CNNM1: variants seen among roughly 807,000 people sequenced by gnomAD.
The protein encoded by CNNM1 is metal transporter CNNM1.
CNNM1 carries 44 observed loss-of-function variants against 78.8 expected under a neutral mutation model. The observed-to-expected ratio is 0.56, with a 90% confidence interval of 0.44 to 0.72. CNNM1 has a LOEUF of 0.72. Among genes scored for constraint, CNNM1 ranks in the 30% least tolerant of loss-of-function variants. The pLI, the probability that CNNM1 is intolerant of heterozygous loss-of-function variation, is 0.00. For missense variants in CNNM1, 1,101 were observed against 1,292.2 expected, an observed-to-expected ratio of 0.85 and a Z score of 2.27; for synonymous variants, 584 against 581.5, an observed-to-expected ratio of 1.00 and a Z score of -0.06.
chr10:99,364,718 A>G (rs568217735), intron 5 of CNNM1, among the ~76,000 whole-genome samples: 2 of 152,338 alleles, frequency 1.3e-5, no homozygotes, highest in East Asian at 3.9e-4. Flanking sequence ...AAAAGTGACA[A>G]AAAATTGAAT....
chr10:99,348,975 T>G (rs1589892842), intron 1 of CNNM1, among the ~76,000 whole-genome samples: 1 of 152,086 alleles, frequency 6.6e-6, no homozygotes, highest in Non-Finnish European at 1.5e-5. Flanking sequence ...GAGGCTGAGG[T>G]GGGAGGATCC....
chr10:99,329,523 C>T lies in CNNM1; in HGVS notation c.136C>T (p.Arg46Trp). The T allele has an allele frequency of 1.3e-6, 2 of 1,509,938 alleles. No individual in the cohort carries two copies. Among genetic ancestry groups the T allele is most frequent in the Non-Finnish European group, 8.8e-7 (1 of 1,136,552 alleles). 93.5% of individuals were successfully genotyped at this position (1,509,938 alleles called of 1,614,324 possible). Reference sequence around the variant, plus strand: ...CGCCGCCGCCTGGCTGCTGGGCCTGCGGCCCGAGGACACTGCTGGAGGCCG... The same window carrying T: ...CGCCGCCGCCTGGCTGCTGGGCCTGTGGCCCGAGGACACTGCTGGAGGCCG... ...PAAAAWLLGL[R>W]PEDTAGGRVS... The change falls in exon 1 of 11, where the codon CGG becomes TGG. Residue 46 changes from arginine (R) to tryptophan (W), a missense_variant. By Grantham distance (101) the Arg-to-Trp change is moderately radical (BLOSUM62 -3). Coordinates refer to ENST00000356713, the MANE Select transcript of CNNM1 (RefSeq NM_020348.3).
At chr10:99,379,944 G>A (rs1024722090) in intron 7 of CNNM1, among the ~76,000 whole-genome samples, 1 of 152,002 alleles carries the variant, frequency 6.6e-6, no homozygotes, top group Non-Finnish European at 1.5e-5. Context: ...TCTGATGAAG[G>A]CTCACTACCT....
At position 99,330,011 on chromosome 10, in the gene CNNM1, C is replaced by T; in HGVS notation, c.624C>T (p.Arg208=). ...CCGGCGGCTTCCTGCTGCGCGTTCGCCCGCGGTTGTACGGCCCAGGCGGGG... is the reference window on the plus strand; with the variant it reads ...CCGGCGGCTTCCTGCTGCGCGTTCGTCCGCGGTTGTACGGCCCAGGCGGGG... ...GAAGGFLLRV[R]PRLYGPGGDL... The change falls in exon 1 of 11, where the codon CGC becomes CGT. Residue 208 remains arginine, a synonymous_variant. Transcript: ENST00000356713. 2 of 1,417,492 alleles carry T rather than the reference C, an allele frequency of 1.4e-6. No individual in the cohort carries two copies. Among genetic ancestry groups the T allele is most frequent in the Non-Finnish European group, 1.8e-6 (2 of 1,098,736 alleles). 87.8% of individuals were successfully genotyped at this position (1,417,492 alleles called of 1,614,324 possible).
Position 99,362,264 on chromosome 10 carries a change from G to C in CNNM1, c.1896G>C (p.Lys632Asn). 1 of 1,613,770 alleles carries C rather than the reference G, an allele frequency of 6.2e-7. No homozygotes were observed. The highest frequency in any genetic ancestry group is 8.5e-7 in the Non-Finnish European group (1 of 1,179,794). Residue 632 changes from lysine to asparagine, a missense_variant, in exon 4 of 11, where the codon AAG (lysine) becomes AAC (asparagine). By Grantham distance (94) the Lys-to-Asn change is moderately conservative. Around this residue, in one of 3 missense-constraint regions of CNNM1, gnomAD observed 277 missense variants for 423.2 expected, o/e 0.65. Transcript: ENST00000356713. ...EPFKSLYLSE[K>N]ILLRLLKHPN... ...TTAAGTCTCTGTACCTTTCGGAGAA[G>C]ATCCTGCTCCGGCTCCTGAAACATC... is the stretch of plus-strand genomic sequence containing the variant.
At chr10:99,388,079 C>T in intron 8 of CNNM1, 73 bp from the exon 9 acceptor site, 1 of 1,596,466 alleles carries the variant, frequency 6.3e-7, no homozygotes, top group Non-Finnish European at 8.5e-7. Context: ...TCTAGCCCTT[C>T]CCAGGGCTCA....
In CNNM1 at chr10:99,376,731, C is replaced by T. The variant is rs972041017; in HGVS notation, c.2177-324C>T. Among the ~76,000 whole-genome samples the T allele has an allele frequency of 2.6e-5, 4 of 152,146 alleles. No homozygotes were observed. The East Asian group carries it at 5.8e-4, about 22-fold the overall frequency. On this transcript the variant is annotated intron_variant, in intron 6 of 10. Transcript: ENST00000356713. Reference sequence around the variant, plus strand: ...ACCAAGGAAGATGTGAACCACCCGTCCCCCCTGTCTGGGGAAAATAGATGC... The same window carrying T: ...ACCAAGGAAGATGTGAACCACCCGTTCCCCCTGTCTGGGGAAAATAGATGC...
chr10:99,341,714 C>G (rs1323682651), intron 1 of CNNM1, among the ~76,000 whole-genome samples: 5 of 152,156 alleles, frequency 3.3e-5, no homozygotes, highest in Non-Finnish European at 7.4e-5. Context: ...TGTCTGAACG[C>G]TGGGAAAGCC....
At chr10:99,365,332 C>T (rs1008211638) in intron 6 of CNNM1, among the ~76,000 whole-genome samples, 2 of 152,226 alleles carry the variant, frequency 1.3e-5, no homozygotes, top group Non-Finnish European at 2.9e-5. Flanking sequence ...CTCAGCCCTT[C>T]CTTCTGTGCA....
At chr10:99,335,272 C>A (rs530494961) in intron 1 of CNNM1, among the ~76,000 whole-genome samples, 1 of 152,282 alleles carries the variant, frequency 6.6e-6, no homozygotes, top group Admixed American at 6.5e-5. Context: ...GGGATTTTAT[C>A]TTTTTACTTC....
intron 6 of CNNM1, among the ~76,000 whole-genome samples, chr10:99,371,608 T>A (rs1453308530): frequency 6.6e-6 from 1 of 152,130 alleles, no homozygotes; most frequent in Non-Finnish European, 1.5e-5. Context: ...ATATTTCTAC[T>A]TTGCAAAATG....
chr10:99,388,034 G>A, intron 8 of CNNM1, 31 bp downstream of exon 8: 1 of 1,577,116 alleles, frequency 6.3e-7, no homozygotes, highest in Non-Finnish European at 8.6e-7. Flanking sequence ...GGCAGGCTGG[G>A]CTGGTGTGGG....
intron 7 of CNNM1, among the ~76,000 whole-genome samples, chr10:99,387,228 T>C (rs757839965): frequency 3.9e-5 from 6 of 152,178 alleles, no homozygotes; most frequent in Non-Finnish European, 7.4e-5. Flanking sequence ...TGTGGGTGTT[T>C]GACACATCAG....
intron 1 of CNNM1, among the ~76,000 whole-genome samples, chr10:99,334,306 A>G (rs1298782589): frequency 2.0e-5 from 3 of 152,186 alleles, no homozygotes; most frequent in Admixed American, 6.5e-5. Flanking sequence ...ATACATTTGC[A>G]CCATAGGTTA....
intron 1 of CNNM1, among the ~76,000 whole-genome samples, chr10:99,341,603 A>G (rs535042023): frequency 2.0e-5 from 3 of 152,306 alleles, no homozygotes; most frequent in Middle Eastern, 3.4e-3. Context: ...TCAGCCTTAA[A>G]GAAGGAGAAG....
At chr10:99,366,526 G>A (rs1403797960) in intron 6 of CNNM1, among the ~76,000 whole-genome samples, 2 of 150,704 alleles carry the variant, frequency 1.3e-5, no homozygotes, top group African/African-American at 2.4e-5. Context: ...GCTCTCACCT[G>A]TAATCCCAGC....
chr10:99,330,617 G>A lies in CNNM1; in HGVS notation c.1230G>A (p.Leu410=). The A allele has an allele frequency of 6.2e-7, 1 of 1,613,768 alleles. No homozygotes were observed. Among genetic ancestry groups the A allele is most frequent in the South Asian group, 1.1e-5 (1 of 91,038 alleles). ...GGGCCGCAGACCCCTACAGTGACCTGGTGAAGGAGGAGCTCAACATCATAC... is the reference window on the plus strand; with the variant it reads ...GGGCCGCAGACCCCTACAGTGACCTAGTGAAGGAGGAGCTCAACATCATAC... ...TLRAADPYSD[L]VKEELNIIQG... Residue 410 remains leucine, a synonymous_variant, in exon 1 of 11, where the codon CTG becomes CTA. Coordinates refer to ENST00000356713, the MANE Select transcript of CNNM1 (RefSeq NM_020348.3).
intron 1 of CNNM1, among the ~76,000 whole-genome samples, chr10:99,345,857 A>C (rs1564941769): frequency 6.6e-6 from 1 of 151,884 alleles, no homozygotes; most frequent in African/African-American, 2.4e-5. Flanking sequence ...TATATTTTTT[A>C]ATTTAAAAAA....
At chr10:99,359,624 C>G (rs11190073) in intron 2 of CNNM1, among the ~76,000 whole-genome samples, 16,441 of 152,070 alleles carry the variant, frequency 0.11, 1,403 homozygotes, top group African/African-American at 0.24. Context: ...CACTTTGACC[C>G]TTCTAGAAGG....
Sources: allele counts gnomAD v4.1 joint callset (sites outside exome capture counted in the v4.1 genomes callset), GRCh38; gene constraint gnomAD v4.1.1; regional missense constraint gnomAD v4.1.1; transcripts MANE v1.5; gene names NCBI Gene and HGNC (gene_info 2026-07-23, HGNC 2026-07-21).